CCAR1: variants seen among roughly 807,000 people sequenced by gnomAD.
CCAR1 encodes the protein cell division cycle and apoptosis regulator 1, also known as cell division cycle and apoptosis regulator protein 1.
Under a neutral mutation model 163.8 loss-of-function variants are expected in CCAR1, and 78 were observed. The ratio of observed to expected loss-of-function variants is 0.48; its 90% CI spans 0.40 to 0.57. CCAR1 has a LOEUF of 0.57. Among genes scored for constraint, CCAR1 ranks in the 20% least tolerant of loss-of-function variants. The pLI is 0.00. For synonymous variants in CCAR1, 443 were observed against 460.7 expected, an observed-to-expected ratio of 0.96 and a Z score of 0.49; for missense variants, 1,019 against 1,365.2, an observed-to-expected ratio of 0.75 and a Z score of 4.00.
rs1306397835 is a variant in CCAR1 at position 68,756,294 on chromosome 10, C to A, written c.1647C>A (p.Arg549=). The A allele has an allele frequency of 6.2e-7, 1 of 1,613,782 alleles. No individual in the cohort carries two copies. The highest frequency in any genetic ancestry group is 1.7e-5 in the Admixed American group (1 of 59,956). ...CTQWYRFAEI[R]YHRPEETHKG... is the part of the protein sequence containing the mutation. ...ACAGGTACCGTTTTGCAGAGATTCG[C>A]TACCATCGCCCTGAGGAGACCCACA... The change falls in exon 14 of 25, where the codon CGC becomes CGA. Residue 549 remains arginine (R), a synonymous_variant. Transcript: ENST00000265872. This position sits in a 1 kb window ranked among gnomAD's most constrained non-coding sequence, Gnocchi z 5.1.
chr10:68,766,653 A>G (rs889212106), intron 17 of CCAR1, among the ~76,000 whole-genome samples: 1 of 151,516 alleles, frequency 6.6e-6, no homozygotes, highest in Non-Finnish European at 1.5e-5. Flanking sequence ...CAGCCTCCCG[A>G]GTAGCTGAGA....
intron 16 of CCAR1, among the ~76,000 whole-genome samples, chr10:68,764,000 T>C (rs2056506342): frequency 6.6e-6 from 1 of 152,178 alleles, no homozygotes; most frequent in Non-Finnish European, 1.5e-5. Flanking sequence ...TGCAATTAGG[T>C]TGCTGCTCCC....
Position 68,754,089 on chromosome 10 carries a change from G to C in CCAR1, c.1344+12G>C, listed in dbSNP as rs1336239050. 2 of 1,515,502 alleles carry C rather than the reference G, an allele frequency of 1.3e-6. No homozygotes were observed. The highest frequency in any genetic ancestry group is 2.8e-5 in the African/African-American group (2 of 72,498). 93.9% of individuals were successfully genotyped at this position (1,515,502 alleles called of 1,614,324 possible). On this transcript the variant is annotated intron_variant, in intron 11 of 24. Coordinates refer to ENST00000265872, the MANE Select transcript of CCAR1 (RefSeq NM_018237.4). ...TATACAGTGCAAAGGTTTGTATTCA[G>C]CTGTGATATGCAGCTTAAATTTCTT...
intron 12 of CCAR1, 49 bp downstream of exon 12, chr10:68,754,876 C>CTGTAACTT (rs777017872): frequency 1.9e-6 from 2 of 1,030,650 alleles, no homozygotes; most frequent in Non-Finnish European, 3.0e-6. Flanking sequence ...CTTTGCTTAG[C>CTGTAACTT]TGTAACTTTG....
At position 68,789,812 on chromosome 10, in the gene CCAR1, T is replaced by TA. The variant is rs2056833667; in HGVS notation, c.3293dup (p.Ile1099AspfsTer10). On this transcript the variant is annotated frameshift_variant, in exon 24 of 25. Transcript: ENST00000265872. LOFTEE classifies it high-confidence loss of function. ...GACCTTAGTCAGTTACAAGAAAACT[T>TA]AAAGATTTCGGAAAACATGAATTTA... The TA allele has an allele frequency of 1.2e-6, 2 of 1,608,142 alleles. No homozygotes were observed. Among genetic ancestry groups the TA allele is most frequent in the Non-Finnish European group, 1.7e-6 (2 of 1,177,474 alleles).
chr10:68,743,814 G>A (rs1309112478), intron 6 of CCAR1, among the ~76,000 whole-genome samples: 2 of 152,018 alleles, frequency 1.3e-5, no homozygotes, highest in African/African-American at 4.8e-5. Context: ...GCAGTGGTGC[G>A]ATCTCAGTTC....
At chr10:68,758,018 G>C (rs189343918) in intron 15 of CCAR1, among the ~76,000 whole-genome samples, 61 of 152,226 alleles carry the variant, frequency 4.0e-4, no homozygotes, top group African/African-American at 1.4e-3. Context: ...TGGGATTACA[G>C]GTGTGAGCCA....
chr10:68,756,337 G>C lies in CCAR1; in HGVS notation c.1690G>C (p.Ala564Pro). Residue 564 changes from alanine to proline, a missense_variant, in exon 14 of 25, where the codon GCT (alanine) becomes CCT (proline). Physicochemically the swap from Ala to Pro is conservative, Grantham distance 27 (BLOSUM62 -1). This residue lies in a region of CCAR1 where 644 missense variants were observed against 904.4 expected (regional missense o/e 0.71). Transcript: ENST00000265872. This position sits in a 1 kb window ranked among gnomAD's most constrained non-coding sequence, Gnocchi z 5.1. ...EETHKGRTVP[A>P]HVETVVLFFP... ...GACCCACAAGGGGCGTACAGTTCCAGCTCATGTGGAGACAGTGGTTTTATT... is the reference window on the plus strand; with the variant it reads ...GACCCACAAGGGGCGTACAGTTCCACCTCATGTGGAGACAGTGGTTTTATT... 1 of 1,614,098 alleles carries C rather than the reference G, an allele frequency of 6.2e-7. No homozygotes were observed. The highest frequency in any genetic ancestry group is 8.5e-7 in the Non-Finnish European group (1 of 1,180,012).
Position 68,754,722 on chromosome 10 carries a change from G to T in CCAR1, c.1353G>T (p.Leu451=). 7 of 1,590,976 alleles carry T rather than the reference G, an allele frequency of 4.4e-6. No individual in the cohort carries two copies. Among genetic ancestry groups the T allele is most frequent in the Non-Finnish European group, 6.0e-6 (7 of 1,160,318 alleles). The change falls in exon 12 of 25, where the codon CTG becomes CTT. Residue 451 remains leucine (L), a synonymous_variant. Transcript: ENST00000265872. The stretch of plus-strand genomic sequence containing the variant: ...TTATTTGACTATAATAGGTAATGCT[G>T]ATGGCTAGCCCTAGTATGGAAGATT... ...ADHLYSAKVM[L]MASPSMEDLY... is the part of the protein sequence containing the mutation.
chr10:68,726,125 A>AAG (rs916550327), intron 2 of CCAR1, among the ~76,000 whole-genome samples: 2 of 147,712 alleles, frequency 1.4e-5, no homozygotes, highest in African/African-American at 2.5e-5. Context: ...AAAAAAAAAA[A>AAG]AAAAAAAAGA....
At chr10:68,727,835 G>A (rs2055970865) in intron 2 of CCAR1, among the ~76,000 whole-genome samples, 5 of 152,016 alleles carry the variant, frequency 3.3e-5, no homozygotes, top group Admixed American at 3.3e-4. Flanking sequence ...TTTTGAACAT[G>A]GAGTCTCGCT....
Position 68,761,165 on chromosome 10 carries a change from T to A in CCAR1, c.2079T>A (p.Asp693Glu). 6.2e-7 allele frequency: 1 copy of A among 1,603,076 alleles called. No homozygotes were observed. The highest frequency in any genetic ancestry group is 8.5e-7 in the Non-Finnish European group (1 of 1,176,372). The change falls in exon 16 of 25, where the codon GAT becomes GAA. Residue 693 changes from aspartate (D) to glutamate (E), a missense_variant. By Grantham distance (45) the Asp-to-Glu change is conservative (BLOSUM62 2). This residue lies in a region of CCAR1 where 644 missense variants were observed against 904.4 expected (regional missense o/e 0.71). Coordinates refer to ENST00000265872, the MANE Select transcript of CCAR1 (RefSeq NM_018237.4). ...EKSEKEEDED[D>E]DRKSEDDKEE... ...CTGAAAAAGAAGAGGATGAGGATGA[T>A]GATAGGAAATCTGAAGACGATAAAG...
At chr10:68,753,474 A>G (rs1162186194) in intron 10 of CCAR1, among the ~76,000 whole-genome samples, 1 of 152,200 alleles carries the variant, frequency 6.6e-6, no homozygotes, top group African/African-American at 2.4e-5. Context: ...AGAAATACTA[A>G]TACTCTCATT....
rs1236155894 is a variant in CCAR1 at position 68,789,933 on chromosome 10, T to C, written c.3393+18T>C. 24 of 1,472,290 alleles carry C rather than the reference T, an allele frequency of 1.6e-5. No individual in the cohort carries two copies. The highest frequency in any genetic ancestry group is 2.2e-5 in the Non-Finnish European group (24 of 1,089,314). The allele number at this position is 1,472,290 out of a possible 1,614,324, so 91.2% of individuals were successfully genotyped here. ...TCAAGAAGGTGAGAAATTTTGTACT[T>C]TTAACATTTTCTTAGTTTTAAAAAT... On this transcript the variant is annotated intron_variant, in intron 24 of 24. Coordinates refer to ENST00000265872, the MANE Select transcript of CCAR1 (RefSeq NM_018237.4).
At chr10:68,775,699 T>C (rs1441371832) in intron 19 of CCAR1, among the ~76,000 whole-genome samples, 8 of 125,166 alleles carry the variant, frequency 6.4e-5, no homozygotes, top group East Asian at 2.2e-4. Flanking sequence ...TTTTTTTTTT[T>C]TTTTTTTTTT....
Position 68,779,140 on chromosome 10 carries a change from G to C in CCAR1, c.2650+6041G>C, listed in dbSNP as rs1389900632. Among the ~76,000 whole-genome samples, 7 of 151,784 alleles carry C rather than the reference G, an allele frequency of 4.6e-5. No individual in the cohort carries two copies. In the East Asian group the frequency reaches 1.4e-3, roughly 29 times the overall value. On this transcript the variant is annotated intron_variant, in intron 19 of 24. Transcript: ENST00000265872. Reference sequence around the variant, plus strand: ...TTACAGGCGTGAGCCACTGTGCCTGGCTGAGACTACACTTCTTAGAATACA... The same window carrying C: ...TTACAGGCGTGAGCCACTGTGCCTGCCTGAGACTACACTTCTTAGAATACA...
At chr10:68,727,511 C>T (rs2055966570) in intron 2 of CCAR1, among the ~76,000 whole-genome samples, 1 of 152,112 alleles carries the variant, frequency 6.6e-6, no homozygotes, top group African/African-American at 2.4e-5. Context: ...CATTCGTCTG[C>T]AAAAGTATCT....
At chr10:68,742,299 T>G (rs2056193129) in intron 5 of CCAR1, 77 bp from the exon 6 acceptor site, 4 of 1,072,906 alleles carry the variant, frequency 3.7e-6, no homozygotes, top group Non-Finnish European at 5.4e-6. Flanking sequence ...CATTCTGGGT[T>G]AGTTTTAAGT....
At chr10:68,779,819 G>A (rs1377444233) in intron 19 of CCAR1, among the ~76,000 whole-genome samples, 1 of 152,146 alleles carries the variant, frequency 6.6e-6, no homozygotes, top group Non-Finnish European at 1.5e-5. Context: ...TTGTACTTTG[G>A]TAATATAGTC....
Sources: gnomAD v4.1 joint callset for allele counts (sites outside exome capture counted in the v4.1 genomes callset) on GRCh38, gnomAD v4.1.1 for gene constraint, gnomAD v4.1.1 regional missense constraint, Gnocchi (gnomAD v3.1) non-coding constraint, MANE v1.5 for transcripts, NCBI Gene and HGNC (gene_info 2026-07-23, HGNC 2026-07-21) for gene names.